Variants in MYO18A observed in about 807,000 individuals in gnomAD.
MYO18A encodes myosin XVIIIA.
MYO18A carries 78 observed loss-of-function variants against 235.8 expected under a neutral mutation model. The ratio of observed to expected loss-of-function variants is 0.33; its 90% CI spans 0.28 to 0.40. The LOEUF (loss-of-function observed/expected upper bound fraction) is 0.40. MYO18A is among the 10% of genes least tolerant of loss of function. The pLI is 1.00. For synonymous variants in MYO18A, 977 were observed against 1,077.8 expected (o/e 0.91, Z 1.83); for missense variants, 2,215 against 2,699.3 (o/e 0.82, Z 3.98).
intron 37 of MYO18A, among the ~76,000 whole-genome samples, chr17:29,089,672 G>C (rs1217296487): frequency 6.6e-6 from 1 of 152,178 alleles, no homozygotes; most frequent in Non-Finnish European, 1.5e-5. Flanking sequence ...GGAACAGGCG[G>C]GGGGAGCTCG....
chr17:29,099,088 C>A, intron 22 of MYO18A, 119 bp from the exon 23 acceptor site: 2 of 1,283,940 alleles, frequency 1.6e-6, no homozygotes, highest in South Asian at 2.7e-5. Context: ...GCCCCCTGAC[C>A]CCGAGTCAGA....
chr17:29,107,603 TAAAAAAAAAAAAA>T (rs35996808), intron 19 of MYO18A: 1 of 102,840 alleles, frequency 9.7e-6, no homozygotes, highest in African/African-American at 3.8e-5. Context: ...CTTATGGTCT[TAAAAAAAAAAAAA>T]AAAAAAAAAA....
At position 29,094,814 on chromosome 17, in the gene MYO18A, C is replaced by T; in HGVS notation, c.4546G>A (p.Val1516Ile). 6.2e-7 allele frequency: 1 copy of T among 1,614,062 alleles called. No individual in the cohort carries two copies. The highest frequency in any genetic ancestry group is 2.2e-5 in the East Asian group (1 of 44,878). The change falls in exon 30 of 42, where the codon GTT becomes ATT. Residue 1516 changes from valine to isoleucine, a missense_variant. By Grantham distance (29) the Val-to-Ile change is conservative. Transcript: ENST00000527372. ...TGGAGCTCTGCCTCTAGAGACACAACCTTCTGGGTGAACCCTGCAATGTCC... is the reference window on the plus strand; with the variant it reads ...TGGAGCTCTGCCTCTAGAGACACAATCTTCTGGGTGAACCCTGCAATGTCC... ...DMDIAGFTQK[V>I]VSLEAELQDI...
chr17:29,098,767 G>C, intron 23 of MYO18A, 59 bp downstream of exon 23: 1 of 1,599,144 alleles, frequency 6.3e-7, no homozygotes. Flanking sequence ...GGAAGCCCAA[G>C]ATAAACCAGC....
chr17:29,149,009 T>C (rs2067912490), intron 2 of MYO18A, among the ~76,000 whole-genome samples: 1 of 152,222 alleles, frequency 6.6e-6, no homozygotes, highest in African/African-American at 2.4e-5. Context: ...AGCTCCGCCC[T>C]GCAGCGCCGC....
intron 18 of MYO18A, 79 bp downstream of exon 18, chr17:29,110,357 G>C: frequency 6.9e-7 from 1 of 1,456,014 alleles, no homozygotes; most frequent in Non-Finnish European, 9.2e-7. Context: ...GCCTCAGTGT[G>C]CTCGGAGTCC....
At position 29,107,097 on chromosome 17, in the gene MYO18A, CGAT is replaced by C; in HGVS notation, c.3421_3423del (p.Ile1141del). The C allele has an allele frequency of 6.2e-7, 1 of 1,613,988 alleles. No individual in the cohort carries two copies. The highest frequency in any genetic ancestry group is 1.1e-5 in the South Asian group (1 of 91,078). ...GGACCTACCCGCCTTTCATCCACCA[CGAT>C]GTAGTTACGCCCGTGTTTCTTGGTC... On this transcript the variant is annotated inframe_deletion, in exon 20 of 42. Transcript: ENST00000527372.
At chr17:29,116,231 C>T (rs2067056281) in intron 11 of MYO18A, among the ~76,000 whole-genome samples, 1 of 152,244 alleles carries the variant, frequency 6.6e-6, no homozygotes, top group African/African-American at 2.4e-5. Flanking sequence ...TGAGAGATCG[C>T]TCATGCCTCC....
chr17:29,173,622 C>T (rs957655160), intron 1 of MYO18A, among the ~76,000 whole-genome samples: 3 of 148,646 alleles, frequency 2.0e-5, no homozygotes, highest in East Asian at 2.0e-4. Flanking sequence ...CTCCTGACCT[C>T]GTGATCCGCC....
intron 2 of MYO18A, chr17:29,127,962 G>A (rs751232829): frequency 2.3e-5 from 23 of 1,003,898 alleles, no homozygotes; most frequent in Non-Finnish European, 2.6e-5. Flanking sequence ...GCTGGGGAGC[G>A]CTGCTTCTTT....
intron 2 of MYO18A, among the ~76,000 whole-genome samples, chr17:29,136,250 AAT>A (rs1247592713): frequency 0.038 from 3,085 of 82,212 alleles, 60 homozygotes; most frequent in African/African-American, 0.064. Context: ...AAAAAAAAAA[AAT>A]ATATATATAT....
chr17:29,109,739 A>C lies in MYO18A; in HGVS notation c.3331+119T>G. 1 of 1,281,316 alleles carries C rather than the reference A, an allele frequency of 7.8e-7. No individual in the cohort carries two copies. The highest frequency in any genetic ancestry group is 1.1e-6 in the Non-Finnish European group (1 of 926,992). The allele number at this position is 1,281,316 out of a possible 1,614,324, so 79.4% of individuals were successfully genotyped here. On this transcript the variant is annotated intron_variant, in intron 19 of 41. Coordinates refer to ENST00000527372, the MANE Select transcript of MYO18A (RefSeq NM_078471.4). The surrounding 1 kb of genome is among the most constrained non-coding windows in gnomAD (Gnocchi z 4.1). ...ATGAGGAGAGACCAGAGCAGAAAGG[A>C]TCGTGAGGAAAGACAGGAGCAGCCC...
chr17:29,098,371 G>T lies in MYO18A; in HGVS notation c.3855C>A (p.Asp1285Glu), dbSNP rs1459787723. 6.2e-7 allele frequency: 1 copy of T among 1,613,876 alleles called. No homozygotes were observed. The highest frequency in any genetic ancestry group is 1.7e-5 in the Admixed American group (1 of 60,024). ...AGTCACTCACCCGGCTCTCCAGCCG[G>T]TCACTGTTGAGCCGCAGCTCGTTCC... ...KERNELRLNS[D>E]RLESRISELT... Residue 1285 changes from aspartate (D) to glutamate (E), a missense_variant, in exon 24 of 42, where the codon GAC becomes GAA. Transcript: ENST00000527372.
chr17:29,099,368 A>G (rs2066599763), intron 22 of MYO18A, among the ~76,000 whole-genome samples: 1 of 152,290 alleles, frequency 6.6e-6, no homozygotes, highest in Non-Finnish European at 1.5e-5. Context: ...CAGCTCCTTA[A>G]TCTTCATGGA....
intron 2 of MYO18A, among the ~76,000 whole-genome samples, chr17:29,138,019 C>T (rs956418815): frequency 1.3e-5 from 2 of 152,166 alleles, no homozygotes; most frequent in Admixed American, 6.5e-5. Flanking sequence ...AGCCTCAGCC[C>T]CAGGAGGCTT....
chr17:29,077,877 T>TA (rs2066021443), intron 41 of MYO18A: 1 of 152,254 alleles, frequency 6.6e-6, no homozygotes, highest in Admixed American at 6.5e-5. Flanking sequence ...AGAGGCGCAG[T>TA]GTGCAACAAG....
chr17:29,132,976 G>A (rs1239453190), intron 2 of MYO18A, among the ~76,000 whole-genome samples: 1 of 152,204 alleles, frequency 6.6e-6, no homozygotes, highest in South Asian at 2.1e-4. Flanking sequence ...GTTAGTGGGA[G>A]GACAAGTGTT....
intron 34 of MYO18A, 133 bp from the exon 35 acceptor site, chr17:29,091,059 A>T (rs2066387225): frequency 1.5e-6 from 1 of 685,224 alleles, no homozygotes. Flanking sequence ...GGGTCCCAGG[A>T]CTAGTGATGC....
At chr17:29,119,589 A>G (rs2067150778) in intron 7 of MYO18A, among the ~76,000 whole-genome samples, 154 bp from the exon 8 acceptor site, 1 of 141,520 alleles carries the variant, frequency 7.1e-6, no homozygotes, top group Admixed American at 7.3e-5. Context: ...TTTGAGATGG[A>G]GTCTCACTCT....
Sources: allele counts gnomAD v4.1 joint callset (sites outside exome capture counted in the v4.1 genomes callset), GRCh38; gene constraint gnomAD v4.1.1; non-coding constraint Gnocchi (gnomAD v3.1); transcripts MANE v1.5; gene names NCBI Gene and HGNC (gene_info 2026-07-23, HGNC 2026-07-21).